Variants in CNTN5 observed in about 807,000 individuals in gnomAD.
CNTN5 encodes the protein contactin-5.
CNTN5 carries 77 observed loss-of-function variants against 129.1 expected under a neutral mutation model. The observed-to-expected ratio is 0.60, with a 90% confidence interval of 0.50 to 0.72. The LOEUF (loss-of-function observed/expected upper bound fraction) is 0.72, where lower values mean the gene tolerates loss of function less well. Among genes scored for constraint, CNTN5 ranks in the 30% least tolerant of loss-of-function variants. CNTN5 has a pLI of 0.00. For synonymous variants in CNTN5, 509 were observed against 465.6 expected (o/e 1.09, Z -1.20); for missense variants, 1,478 against 1,328.8 (o/e 1.11, Z -1.75).
At chr11:99,991,486 AC>A (rs1460785370) in intron 8 of CNTN5, among the ~76,000 whole-genome samples, 1 of 152,002 alleles carries the variant, frequency 6.6e-6, no homozygotes, top group Non-Finnish European at 1.5e-5. Context: ...AAACAAACAA[AC>A]AAACAAAAGA....
intron 3 of CNTN5, among the ~76,000 whole-genome samples, chr11:99,818,600 G>C (rs1028667001): frequency 3.3e-5 from 5 of 152,248 alleles, no homozygotes; most frequent in Non-Finnish European, 7.4e-5. Context: ...TCAGCAAATT[G>C]TCCAGCTTAA....
At chr11:99,254,707 T>A (rs1229775831) in intron 1 of CNTN5, among the ~76,000 whole-genome samples, 1 of 151,964 alleles carries the variant, frequency 6.6e-6, no homozygotes, top group East Asian at 1.9e-4. Context: ...AATATATACA[T>A]GGAAGTGTTT....
intron 1 of CNTN5, among the ~76,000 whole-genome samples, chr11:99,272,898 C>T (rs1388631801): frequency 6.6e-6 from 1 of 151,776 alleles, no homozygotes; most frequent in Non-Finnish European, 1.5e-5. Flanking sequence ...AAACTTATAA[C>T]ATTTAAAGAA....
intron 2 of CNTN5, among the ~76,000 whole-genome samples, chr11:99,462,337 T>A (rs922750496): frequency 1.4e-5 from 2 of 139,584 alleles, no homozygotes; most frequent in Admixed American, 1.6e-4. Flanking sequence ...TTCTTTCTTT[T>A]TTTTCTTTTT....
At chr11:99,845,285 CTA>C in intron 6 of CNTN5, 23 bp downstream of exon 6, 1 of 1,418,958 alleles carries the variant, frequency 7.0e-7, no homozygotes, top group Non-Finnish European at 9.6e-7. Flanking sequence ...TATGATTTTT[CTA>C]TATATATGTA....
intron 2 of CNTN5, among the ~76,000 whole-genome samples, chr11:99,410,517 A>G (rs1942345091): frequency 6.6e-6 from 1 of 151,758 alleles, no homozygotes; most frequent in African/African-American, 2.4e-5. Context: ...TTCTAAATGT[A>G]TTTTTTTTGC....
intron 1 of CNTN5, among the ~76,000 whole-genome samples, chr11:99,067,358 T>C (rs1305111130): frequency 6.6e-6 from 1 of 150,572 alleles, no homozygotes; most frequent in Non-Finnish European, 1.5e-5. Context: ...ATTGTTCTCC[T>C]AAAATAAATA....
At chr11:99,696,405 T>C (rs544942612) in intron 3 of CNTN5, among the ~76,000 whole-genome samples, 11 of 152,222 alleles carry the variant, frequency 7.2e-5, no homozygotes, top group African/African-American at 2.2e-4. Context: ...GTATTTTTAT[T>C]TGGAAAGTCC....
At chr11:99,582,630 C>G (rs909176999) in intron 3 of CNTN5, among the ~76,000 whole-genome samples, 2 of 152,208 alleles carry the variant, frequency 1.3e-5, no homozygotes, top group Non-Finnish European at 2.9e-5. Flanking sequence ...GTTACTGAGG[C>G]TTGTGCATTC....
chr11:99,261,044 A>G (rs1862603877), intron 1 of CNTN5, among the ~76,000 whole-genome samples: 1 of 151,956 alleles, frequency 6.6e-6, no homozygotes, highest in Non-Finnish European at 1.5e-5. Flanking sequence ...TCAATTGTCA[A>G]AACTTCTATT....
rs376322336 is a variant in CNTN5, at chr11:99,820,248, G to A, written c.277+483G>A. Among the ~76,000 whole-genome samples, 589 of 150,806 alleles carry A rather than the reference G, an allele frequency of 3.9e-3. No homozygotes were observed. The East Asian group carries it at 0.057, about 14-fold the overall frequency. ...TTTAGGATTAAGACTAAATACTCTC[G>A]TAGAATGAAAGTAAAAATAGACATT... is the stretch of plus-strand genomic sequence containing the variant. On this transcript the variant is annotated intron_variant, in intron 4 of 24. Transcript: ENST00000524871.
intron 2 of CNTN5, among the ~76,000 whole-genome samples, chr11:99,490,586 A>T (rs181450628): frequency 6.6e-6 from 1 of 152,234 alleles, no homozygotes; most frequent in African/African-American, 2.4e-5. Flanking sequence ...AGGGAGTGTG[A>T]TCCCAGTGAG....
intron 8 of CNTN5, among the ~76,000 whole-genome samples, chr11:99,975,814 G>T (rs1043206341): frequency 6.6e-6 from 1 of 151,950 alleles, no homozygotes; most frequent in East Asian, 1.9e-4. Flanking sequence ...ATTCTACCGC[G>T]GCCCCTCCCA....
At position 99,845,208 on chromosome 11, in the gene CNTN5, G is replaced by A; in HGVS notation, c.523G>A (p.Ala175Thr). ...AKDSGHYQCL[A>T]TNTVGSILSR... is the part of the protein sequence containing the mutation. Reference sequence around the variant, plus strand: ...GGATTCTGGTCATTATCAGTGTTTAGCAACCAACACTGTGGGGAGTATTCT... The same window carrying A: ...GGATTCTGGTCATTATCAGTGTTTAACAACCAACACTGTGGGGAGTATTCT... The change falls in exon 6 of 25, where the codon GCA becomes ACA. Residue 175 changes from alanine (A) to threonine (T), a missense_variant. Transcript: ENST00000524871. 2 of 1,613,482 alleles carry A rather than the reference G, an allele frequency of 1.2e-6. No individual in the cohort carries two copies. Among genetic ancestry groups the A allele is most frequent in the African/African-American group, 1.3e-5 (1 of 74,964 alleles).
intron 15 of CNTN5, among the ~76,000 whole-genome samples, chr11:100,196,224 A>G (rs1948635139): frequency 6.6e-6 from 1 of 152,036 alleles, no homozygotes; most frequent in Non-Finnish European, 1.5e-5. Flanking sequence ...GAACCCTGCC[A>G]GTGGGTGAGT....
At chr11:99,869,742 T>C (rs928456354) in intron 6 of CNTN5, among the ~76,000 whole-genome samples, 5 of 152,210 alleles carry the variant, frequency 3.3e-5, no homozygotes, top group African/African-American at 1.2e-4. Context: ...CAGCTTACTG[T>C]ATGACATGTT....
intron 1 of CNTN5, among the ~76,000 whole-genome samples, chr11:99,056,945 C>T (rs1248197290): frequency 6.6e-6 from 1 of 151,386 alleles, no homozygotes; most frequent in African/African-American, 2.4e-5. Context: ...TATTTTTTTC[C>T]CTTACTGGCT....
chr11:99,108,034 G>T (rs912812463), intron 1 of CNTN5, among the ~76,000 whole-genome samples: 2 of 150,752 alleles, frequency 1.3e-5, no homozygotes, highest in Non-Finnish European at 2.9e-5. Context: ...ACTATGAATC[G>T]TTTGATGTGT....
intron 7 of CNTN5, among the ~76,000 whole-genome samples, chr11:99,934,310 C>T (rs1950258129): frequency 6.6e-6 from 1 of 152,118 alleles, no homozygotes. Flanking sequence ...CAGAGTTCAG[C>T]TATATCTTTA....
Sources: allele counts gnomAD v4.1 joint callset (sites outside exome capture counted in the v4.1 genomes callset), GRCh38; gene constraint gnomAD v4.1.1; transcripts MANE v1.5; gene names NCBI Gene and HGNC (gene_info 2026-07-23, HGNC 2026-07-21).